CFAP47: variants seen among roughly 807,000 people sequenced by gnomAD.
CFAP47 encodes cilia- and flagella-associated protein 47.
Under a neutral mutation model 148.1 loss-of-function variants are expected in CFAP47, and 29 were observed. The observed-to-expected ratio is 0.20, with a 90% CI of 0.15 to 0.27. The LOEUF is 0.27. Among genes scored for constraint, CFAP47 ranks in the 10% least tolerant of loss-of-function variants. The pLI is 1.00. For synonymous variants in CFAP47, 664 were observed against 577.3 expected (o/e 1.15, Z -2.15); for missense variants, 1,872 against 1,697.5 (o/e 1.10, Z -1.81).
chrX:35,938,277 T>C (rs771021295), intron 2 of CFAP47, among the ~76,000 whole-genome samples: 1 of 111,140 alleles, frequency 9.0e-6, no homozygotes, highest in African/African-American at 3.3e-5. Flanking sequence ...AGAAGTTTTT[T>C]TCATGATCAC....
chrX:36,382,242 C>T (rs1602140219), intron 63 of CFAP47, among the ~76,000 whole-genome samples: 1 of 111,181 alleles, frequency 9.0e-6, no homozygotes. Context: ...TGGGAAATGG[C>T]GTGGAACACA....
intron 39 of CFAP47, among the ~76,000 whole-genome samples, chrX:36,176,239 A>T (rs889577132): frequency 9.0e-6 from 1 of 111,398 alleles, no homozygotes; most frequent in Admixed American, 9.5e-5. Flanking sequence ...CCTCAGATGG[A>T]AATGCAGAAA....
At chrX:36,263,233 TA>T (rs1356018079) in intron 49 of CFAP47, among the ~76,000 whole-genome samples, 1 of 112,156 alleles carries the variant, frequency 8.9e-6, no homozygotes, top group African/African-American at 3.2e-5. Context: ...TTCTGGCCTA[TA>T]AAATTTCCAC....
chrX:35,925,011 G>A (rs773533193), intron 1 of CFAP47, among the ~76,000 whole-genome samples: 1 of 111,512 alleles, frequency 9.0e-6, no homozygotes, highest in African/African-American at 3.3e-5. Flanking sequence ...AGGGTACAAA[G>A]TTTCAGTTAA....
At chrX:36,038,944 T>C in intron 24 of CFAP47, 40 bp from the exon 25 acceptor site, 1 of 717,659 alleles carries the variant, frequency 1.4e-6, no homozygotes, top group Non-Finnish European at 1.9e-6. Flanking sequence ...TTGTGTGTTT[T>C]AACTAATTTA....
intron 56 of CFAP47, among the ~76,000 whole-genome samples, chrX:36,313,535 A>G (rs370558192): frequency 1.2e-4 from 13 of 111,429 alleles, no homozygotes; most frequent in East Asian, 1.1e-3. Context: ...ACAAAGCTAA[A>G]CCATATCAAA....
At chrX:36,222,434 T>G (rs1395459101) in intron 45 of CFAP47, among the ~76,000 whole-genome samples, 2 of 110,627 alleles carry the variant, frequency 1.8e-5, no homozygotes, top group Admixed American at 1.9e-4. Context: ...AAAGGAAAAG[T>G]AGTTCAACCT....
chrX:36,189,423 A>G (rs146012030), intron 41 of CFAP47, among the ~76,000 whole-genome samples: 2,199 of 110,957 alleles, frequency 0.02, 21 homozygotes, highest in Non-Finnish European at 0.033. Flanking sequence ...GTTAAGTTCT[A>G]AAGTGAGGTG....
intron 48 of CFAP47, among the ~76,000 whole-genome samples, chrX:36,250,741 A>G (rs1223497197): frequency 9.0e-6 from 1 of 110,537 alleles, no homozygotes; most frequent in African/African-American, 3.3e-5. Context: ...TAAAAAAGTC[A>G]GTGACAAAAG....
intron 21 of CFAP47, among the ~76,000 whole-genome samples, chrX:36,008,665 G>GATTAC (rs2146698984): frequency 9.1e-6 from 1 of 110,264 alleles, no homozygotes; most frequent in Admixed American, 9.7e-5. Context: ...AGCTACTAGG[G>GATTAC]AGGCTGAGGC....
intron 4 of CFAP47, among the ~76,000 whole-genome samples, chrX:35,950,284 A>G (rs1025246986): frequency 3.6e-5 from 4 of 112,120 alleles, no homozygotes; most frequent in Non-Finnish European, 5.6e-5. Context: ...AAAATGAAAG[A>G]GCAGTTCCCA....
intron 58 of CFAP47, among the ~76,000 whole-genome samples, chrX:36,349,382 C>A (rs1367520729): frequency 3.6e-5 from 4 of 111,079 alleles, no homozygotes; most frequent in Non-Finnish European, 7.5e-5. Context: ...TCCTGCCTAG[C>A]CTCCTAAGTA....
chrX:36,324,618 T>C (rs1261826339), intron 57 of CFAP47, among the ~76,000 whole-genome samples: 20 of 111,317 alleles, frequency 1.8e-4, no homozygotes, highest in African/African-American at 6.5e-4. Flanking sequence ...ACATACACAA[T>C]TGTGTATGTG....
chrX:36,316,472 G>A (rs1341222947), intron 56 of CFAP47, among the ~76,000 whole-genome samples: 1 of 112,160 alleles, frequency 8.9e-6, no homozygotes, highest in East Asian at 2.8e-4. Context: ...ATCTTTTTAA[G>A]AATCAGCTGT....
chrX:36,375,851 G>A lies in CFAP47; in HGVS notation c.9186-3499G>A, dbSNP rs1450799001. On this transcript the variant is annotated intron_variant, in intron 62 of 63. Transcript: ENST00000378653. ...CATGCAGTAGCTTCAGGCTGTGAGA[G>A]ATTAATATTGCTTTGGCTCAGGCAG... Among the ~76,000 whole-genome samples the A allele has an allele frequency of 5.4e-5, 6 of 111,902 alleles. 1 individual carries two copies. The Admixed American group carries it at 5.7e-4, about 11-fold the overall frequency.
At position 36,228,824 on chromosome X, in the gene CFAP47, A is replaced by T. The variant is rs1940301999; in HGVS notation, c.7014A>T (p.Ile2338=). 5.8e-6 allele frequency: 3 copies of T among 517,406 alleles called. No individual in the cohort carries two copies. Among genetic ancestry groups the T allele is most frequent in the Non-Finnish European group, 1.1e-5 (3 of 283,716 alleles). The allele number at this position is 517,406 out of a possible 1,213,427, so 42.6% of individuals were successfully genotyped here. ...AFEALTQNIP[I]KNQTNDKWTF... is the part of the protein sequence containing the mutation. ...AAGCCCTTACTCAGAATATTCCAAT[A>T]GTATGTATAAACTTTTTTGGTACCT... Residue 2338 remains isoleucine, a splice_region_variant and synonymous_variant, in exon 46 of 64, where the codon ATA becomes ATT. Coordinates refer to ENST00000378653, the MANE Select transcript of CFAP47 (RefSeq NM_001304548.2).
chrX:36,003,452 G>A (rs1371553835), intron 21 of CFAP47, among the ~76,000 whole-genome samples: 1 of 108,046 alleles, frequency 9.3e-6, no homozygotes, highest in East Asian at 2.9e-4. Context: ...GCTAATATTG[G>A]CTTCTTAGAA....
Position 35,951,961 on chromosome X carries a change from A to C in CFAP47, c.1044A>C (p.Pro348=). 8.7e-7 allele frequency: 1 copy of C among 1,153,374 alleles called. No individual in the cohort carries two copies. Among genetic ancestry groups the C allele is most frequent in the South Asian group, 2.1e-5 (1 of 47,543 alleles). ...CTGTAATTACATTTTGTTTCACCCC[A>C]AAGTAAGCAAAAATTAATTTCATTG... ...QKTVITFCFT[P]KLMAVGKKDI... is the part of the protein sequence containing the mutation. The change falls in exon 6 of 64, where the codon CCA becomes CCC. Residue 348 remains proline, a splice_region_variant and synonymous_variant. Coordinates refer to ENST00000378653, the MANE Select transcript of CFAP47 (RefSeq NM_001304548.2).
chrX:36,181,585 T>C (rs1377914359), intron 40 of CFAP47, among the ~76,000 whole-genome samples: 2 of 111,760 alleles, frequency 1.8e-5, no homozygotes, highest in African/African-American at 6.5e-5. Context: ...TCCTTAGTTC[T>C]TCTCTCAAGC....
Sources: gnomAD v4.1 joint callset for allele counts (sites outside exome capture counted in the v4.1 genomes callset) on GRCh38, gnomAD v4.1.1 for gene constraint, MANE v1.5 for transcripts, NCBI Gene and HGNC (gene_info 2026-07-23, HGNC 2026-07-21) for gene names.